The following ZNF284 variants were observed in gnomAD, a reference collection of about 807,000 sequenced individuals.
The protein encoded by ZNF284 is zinc finger protein 284.
A neutral mutation model predicts 12.9 loss-of-function variants in ZNF284; 12 were observed. The ratio of observed to expected loss-of-function variants is 0.93; its 90% CI spans 0.60 to 1.51. ZNF284 has a LOEUF of 1.51. Ranked by LOEUF, ZNF284 falls within the 40% of genes most tolerant of loss-of-function variation. ZNF284 has a pLI of 0.00. For missense variants in ZNF284, 667 were observed against 707.3 expected (o/e 0.94, Z 0.65); for synonymous variants, 225 against 236.5 (o/e 0.95, Z 0.45).
chr19:44,073,349 T>C (rs945108256), intron 1 of ZNF284, among the ~76,000 whole-genome samples: 1 of 152,202 alleles, frequency 6.6e-6, no homozygotes, highest in Non-Finnish European at 1.5e-5. Flanking sequence ...AGAGCAAGGC[T>C]TATGGGCTTG....
Position 44,086,927 on chromosome 19 carries a change from C to T in ZNF284, c.1449C>T (p.Phe483=). ...GACTCCATACTGGAGAAAAACCATTCAAATGTGAAGAGTGTGGGAAGAGGT... is the reference window on the plus strand; with the variant it reads ...GACTCCATACTGGAGAAAAACCATTTAAATGTGAAGAGTGTGGGAAGAGGT... ...HKRLHTGEKP[F]KCEECGKRFT... The change falls in exon 5 of 5, where the codon TTC becomes TTT. Residue 483 remains phenylalanine (F), a synonymous_variant. Transcript: ENST00000421176. 2 of 1,614,124 alleles carry T rather than the reference C, an allele frequency of 1.2e-6. No individual in the cohort carries two copies. Among genetic ancestry groups the T allele is most frequent in the Non-Finnish European group, 1.7e-6 (2 of 1,180,016 alleles).
intron 1 of ZNF284, among the ~76,000 whole-genome samples, 173 bp from the exon 2 acceptor site, chr19:44,076,149 C>G (rs1295926192): frequency 1.3e-5 from 2 of 152,122 alleles, no homozygotes; most frequent in Non-Finnish European, 2.9e-5. Flanking sequence ...GACAATTTGT[C>G]CATTTACCCA....
At chr19:44,082,567 T>C (rs146731661) in intron 4 of ZNF284, among the ~76,000 whole-genome samples, 67 of 152,312 alleles carry the variant, frequency 4.4e-4, no homozygotes, top group African/African-American at 1.5e-3. Flanking sequence ...AACAATTATC[T>C]TTCTGTTCTT....
rs1246737094 is a variant in ZNF284, at chr19:44,089,526, A to C, written c.*2266A>C. 1.3e-5 allele frequency: 2 copies of C among 152,114 alleles called. No individual in the cohort carries two copies. The highest frequency in any genetic ancestry group is 2.9e-5 in the Non-Finnish European group (2 of 68,018). 9.4% of individuals were successfully genotyped at this position (152,114 alleles called of 1,614,324 possible). ...CTCTGGTTAAATGAAAGGGTTTCAA[A>C]TGTGAAGACAACCCTAACCATACTC... On this transcript the variant is annotated 3_prime_UTR_variant, in exon 5 of 5. Coordinates refer to ENST00000421176, the MANE Select transcript of ZNF284 (RefSeq NM_001037813.4).
chr19:44,083,914 A>G (rs56149185), intron 4 of ZNF284, among the ~76,000 whole-genome samples: 1 of 151,886 alleles, frequency 6.6e-6, no homozygotes, highest in African/African-American at 2.4e-5. Flanking sequence ...TCAGGTCACT[A>G]GGAGGAGTAT....
Position 44,085,937 on chromosome 19 carries a change from A to C in ZNF284, c.459A>C (p.Lys153Asn). 6.2e-7 allele frequency: 1 copy of C among 1,614,184 alleles called. No individual in the cohort carries two copies. Among genetic ancestry groups the C allele is most frequent in the South Asian group, 1.1e-5 (1 of 91,084 alleles). The change falls in exon 5 of 5, where the codon AAA becomes AAC. Residue 153 changes from lysine (K) to asparagine (N), a missense_variant. By Grantham distance (94) the Lys-to-Asn change is moderately conservative. Coordinates refer to ENST00000421176, the MANE Select transcript of ZNF284 (RefSeq NM_001037813.4). ...GETPSEHGKC[K>N]KFFSDVSILD... Reference sequence around the variant, plus strand: ...CACCTTCTGAGCATGGGAAGTGTAAAAAATTCTTCAGTGATGTCTCCATCC... The same window carrying C: ...CACCTTCTGAGCATGGGAAGTGTAACAAATTCTTCAGTGATGTCTCCATCC...
intron 4 of ZNF284, among the ~76,000 whole-genome samples, chr19:44,083,830 TC>T (rs906962370): frequency 2.8e-4 from 43 of 151,996 alleles, no homozygotes; most frequent in African/African-American, 1.0e-3. Flanking sequence ...GGTGGGCCAG[TC>T]CTGAGGCCCC....
chr19:44,083,504 G>GTTT lies in ZNF284; in HGVS notation c.235+1399_235+1400insTTT. Among the ~76,000 whole-genome samples the GTTT allele has an allele frequency of 2.3e-5, 2 of 88,170 alleles. 1 individual carries two copies. The highest frequency in any genetic ancestry group is 9.0e-4 in the South Asian group (2 of 2,210). 57.8% of individuals were successfully genotyped at this position (88,170 alleles called of 152,430 possible). Reference sequence around the variant, plus strand: ...AGAGAGAGAGAGAGAGAGAGAGAGGGAATGGAATACCATCCTATCTTTACC... The same window carrying GTTT: ...AGAGAGAGAGAGAGAGAGAGAGAGGGTTTAATGGAATACCATCCTATCTTTACC... On this transcript the variant is annotated intron_variant, in intron 4 of 4. Transcript: ENST00000421176.
intron 2 of ZNF284, among the ~76,000 whole-genome samples, chr19:44,079,581 C>A (rs541027423): frequency 6.6e-6 from 1 of 152,002 alleles, no homozygotes; most frequent in Non-Finnish European, 1.5e-5. Flanking sequence ...TGGTGGTGGG[C>A]GCCTGTAGTC....
rs780383664 is a variant in ZNF284, at chr19:44,086,956, C to G, written c.1478C>G (p.Thr493Ser). The G allele has an allele frequency of 1.9e-6, 3 of 1,614,114 alleles. No individual in the cohort carries two copies. The highest frequency in any genetic ancestry group is 2.5e-6 in the Non-Finnish European group (3 of 1,180,028). Residue 493 changes from threonine (T) to serine (S), a missense_variant, in exon 5 of 5, where the codon ACT becomes AGT. Physicochemically the swap from Thr to Ser is moderately conservative, Grantham distance 58. Coordinates refer to ENST00000421176, the MANE Select transcript of ZNF284 (RefSeq NM_001037813.4). ...TGTGAAGAGTGTGGGAAGAGGTTTA[C>G]TGAGAATTCAAAACTTCGTTTCCAT... ...FKCEECGKRF[T>S]ENSKLRFHQR...
At position 44,086,245 on chromosome 19, in the gene ZNF284, A is replaced by G; in HGVS notation, c.767A>G (p.Glu256Gly). 3 of 1,614,192 alleles carry G rather than the reference A, an allele frequency of 1.9e-6. No homozygotes were observed. Among genetic ancestry groups the G allele is most frequent in the Non-Finnish European group, 2.5e-6 (3 of 1,180,008 alleles). Residue 256 changes from glutamate (E) to glycine (G), a missense_variant, in exon 5 of 5, where the codon GAA (glutamate) becomes GGA (glycine). Physicochemically the swap from Glu to Gly is moderately conservative, Grantham distance 98. Coordinates refer to ENST00000421176, the MANE Select transcript of ZNF284 (RefSeq NM_001037813.4). ...MYVHCKLHTG[E>G]KPHICEECGK... ...GTTCATTGCAAATTACACACAGGAGAAAAACCTCATATTTGTGAGGAATGT... is the reference window on the plus strand; with the variant it reads ...GTTCATTGCAAATTACACACAGGAGGAAAACCTCATATTTGTGAGGAATGT...
chr19:44,077,511 C>T (rs1245488966), intron 2 of ZNF284, among the ~76,000 whole-genome samples: 3 of 149,914 alleles, frequency 2.0e-5, no homozygotes, highest in Non-Finnish European at 4.4e-5. Flanking sequence ...CGTACTTGAA[C>T]CCTGGATGTA....
chr19:44,085,777 G>T lies in ZNF284; in HGVS notation c.299G>T (p.Cys100Phe). The change falls in exon 5 of 5, where the codon TGC (cysteine) becomes TTC (phenylalanine). Residue 100 changes from cysteine to phenylalanine, a missense_variant. Cys to Phe is a radical substitution (Grantham distance 205). Transcript: ENST00000421176. Reference protein sequence around the residue: ...PETGPHEEWSCQQIWEQTASE... With the variant: ...PETGPHEEWSFQQIWEQTASE... ...ACAGGACCACATGAAGAGTGGTCTT[G>T]CCAGCAAATCTGGGAACAAACTGCA... is the stretch of plus-strand genomic sequence containing the variant. 6 of 1,614,170 alleles carry T rather than the reference G, an allele frequency of 3.7e-6. No homozygotes were observed. Among genetic ancestry groups the T allele is most frequent in the Non-Finnish European group, 4.2e-6 (5 of 1,180,020 alleles).
At position 44,074,565 on chromosome 19, in the gene ZNF284, G is replaced by C. The variant is rs1466806638; in HGVS notation, c.-68-1757G>C. Among the ~76,000 whole-genome samples, 3 of 152,156 alleles carry C rather than the reference G, an allele frequency of 2.0e-5. No individual in the cohort carries two copies. The South Asian group carries it at 6.2e-4, about 32-fold the overall frequency. On this transcript the variant is annotated intron_variant, in intron 1 of 4. Transcript: ENST00000421176. ...CTGTAGCCAGAGACAGTTGCTTGTA[G>C]CTTTCTGCAGCAAAGAAGCCCACAT...
At chr19:44,085,448 GACTA>G (rs1211703679) in intron 4 of ZNF284, 2 of 322,972 alleles carry the variant, frequency 6.2e-6, no homozygotes, top group Non-Finnish European at 1.1e-5. Context: ...CAAGATTTTA[GACTA>G]ACTAGGAAAT....
chr19:44,081,690 C>A (rs544977307), intron 3 of ZNF284, among the ~76,000 whole-genome samples: 1 of 151,536 alleles, frequency 6.6e-6, no homozygotes, highest in Admixed American at 6.6e-5. Flanking sequence ...CCAGCCTGGG[C>A]GACAGAGCGA....
rs1309418712 is a variant in ZNF284 at position 44,088,605 on chromosome 19, A to G, written c.*1345A>G. On this transcript the variant is annotated 3_prime_UTR_variant, in exon 5 of 5. Coordinates refer to ENST00000421176, the MANE Select transcript of ZNF284 (RefSeq NM_001037813.4). ...GCATAAGAGGATCTACACTGGAGAA[A>G]AACCATGGAAGTGTGGAGATTGTGG... The G allele has an allele frequency of 6.6e-6, 1 of 152,220 alleles. No individual in the cohort carries two copies. Among genetic ancestry groups the G allele is most frequent in the Non-Finnish European group, 1.5e-5 (1 of 68,042 alleles). 9.4% of individuals were successfully genotyped at this position (152,220 alleles called of 1,614,324 possible).
chr19:44,086,521 G>A lies in ZNF284; in HGVS notation c.1043G>A (p.Cys348Tyr), dbSNP rs1467684749. ...GAGAAACTATACAAATGTGAAGAAT[G>A]TGGAAGGAGCTTCACTTGTAGGCAA... ...TKEKLYKCEECGRSFTCRQDL... is the reference protein window; with the variant it reads ...TKEKLYKCEEYGRSFTCRQDL... The change falls in exon 5 of 5, where the codon TGT (cysteine) becomes TAT (tyrosine). Residue 348 changes from cysteine to tyrosine, a missense_variant. Physicochemically the swap from Cys to Tyr is radical, Grantham distance 194 (BLOSUM62 -2). Coordinates refer to ENST00000421176, the MANE Select transcript of ZNF284 (RefSeq NM_001037813.4). 5.6e-6 allele frequency: 9 copies of A among 1,614,090 alleles called. No homozygotes were observed. The highest frequency in any genetic ancestry group is 7.6e-6 in the Non-Finnish European group (9 of 1,180,044).
At chr19:44,079,609 T>A (rs932394983) in intron 2 of ZNF284, among the ~76,000 whole-genome samples, 3 of 151,410 alleles carry the variant, frequency 2.0e-5, no homozygotes, top group African/African-American at 7.3e-5. Flanking sequence ...CTCGGGAGGC[T>A]GAGGCAGGAG....
Sources: gnomAD v4.1 joint callset for allele counts (sites outside exome capture counted in the v4.1 genomes callset) on GRCh38, gnomAD v4.1.1 for gene constraint, MANE v1.5 for transcripts, NCBI Gene and HGNC (gene_info 2026-07-23, HGNC 2026-07-21) for gene names.